DIS3L2: variants seen among roughly 807,000 people sequenced by gnomAD.
DIS3L2 encodes the protein DIS3 like 3'-5' exoribonuclease 2.
Under a neutral mutation model 97.5 loss-of-function variants are expected in DIS3L2, and 34 were observed. That is an observed-to-expected ratio of 0.35 (90% CI 0.27 to 0.46). The LOEUF is 0.46. Among genes scored for constraint, DIS3L2 ranks in the 20% least tolerant of loss-of-function variants. The pLI is 1.00. For synonymous variants in DIS3L2, 435 were observed against 445.2 expected (o/e 0.98, Z 0.29); for missense variants, 1,038 against 1,146.0 (o/e 0.91, Z 1.36).
At chr2:232,027,414 GA>G (rs758861036) in intron 4 of DIS3L2, among the ~76,000 whole-genome samples, 19 of 152,210 alleles carry the variant, frequency 1.2e-4, no homozygotes, top group Non-Finnish European at 2.6e-4. Context: ...GAATGAATAT[GA>G]AAGATGAGGC....
chr2:232,016,979 T>C (rs1169416732), intron 3 of DIS3L2, among the ~76,000 whole-genome samples: 3 of 149,450 alleles, frequency 2.0e-5, no homozygotes, highest in Non-Finnish European at 4.5e-5. Flanking sequence ...CCTTTCTGTA[T>C]TTATCTGTGG....
chr2:232,162,077 A>G (rs978134640), intron 8 of DIS3L2, among the ~76,000 whole-genome samples: 5 of 152,034 alleles, frequency 3.3e-5, no homozygotes, highest in African/African-American at 9.7e-5. Context: ...GGTCCAAAAT[A>G]TTTTCTAATT....
At chr2:232,161,374 A>G (rs549211990) in intron 8 of DIS3L2, among the ~76,000 whole-genome samples, 1 of 152,264 alleles carries the variant, frequency 6.6e-6, no homozygotes, top group East Asian at 1.9e-4. Flanking sequence ...AATGCTGTAA[A>G]TTACCCTCCA....
At chr2:232,124,740 A>G (rs192463718) in intron 6 of DIS3L2, among the ~76,000 whole-genome samples, 133 of 152,320 alleles carry the variant, frequency 8.7e-4, no homozygotes, top group African/African-American at 3.0e-3. Flanking sequence ...CTGCAAGTCT[A>G]ATTTTTAAAA....
chr2:232,313,453 G>A (rs1219878996), intron 14 of DIS3L2, among the ~76,000 whole-genome samples: 1 of 152,170 alleles, frequency 6.6e-6, no homozygotes, highest in African/African-American at 2.4e-5. Context: ...AGGATCTCAT[G>A]GCTGTACATT....
chr2:232,244,443 A>G (rs1182150121), intron 11 of DIS3L2, among the ~76,000 whole-genome samples: 1 of 152,204 alleles, frequency 6.6e-6, no homozygotes, highest in African/African-American at 2.4e-5. Flanking sequence ...TGGAACAGGT[A>G]AAGAAGGGAG....
chr2:232,086,586 A>AAT (rs1207470520), intron 5 of DIS3L2, among the ~76,000 whole-genome samples: 110 of 108,798 alleles, frequency 1.0e-3, no homozygotes, highest in East Asian at 2.1e-3. Context: ...TGAGCCTTTA[A>AAT]ATATATATAT....
At chr2:232,086,615 A>ATATATATATATACACACATATATATG (rs1553605998) in intron 5 of DIS3L2, among the ~76,000 whole-genome samples, 2 of 54,546 alleles carry the variant, frequency 3.7e-5, no homozygotes, top group African/African-American at 1.2e-4. Flanking sequence ...GTGTGTGTGT[A>ATATATATATATACACACATATATATG]TATATATATA....
At chr2:232,114,270 GC>G (rs1221625749) in intron 6 of DIS3L2, among the ~76,000 whole-genome samples, 1 of 145,550 alleles carries the variant, frequency 6.9e-6, no homozygotes, top group Non-Finnish European at 1.5e-5. Context: ...GAGCAACAGC[GC>G]TGGAATAAAG....
intron 14 of DIS3L2, among the ~76,000 whole-genome samples, chr2:232,323,700 G>A (rs533109430): frequency 5.3e-5 from 8 of 152,328 alleles, no homozygotes; most frequent in South Asian, 2.1e-4. Context: ...GTTGCAGTGC[G>A]CGCAGGAGGA....
chr2:231,969,094 G>A lies in DIS3L2; in HGVS notation c.-94+7329G>A, dbSNP rs183453870. ...ATAGTTTCCTGAGTCTTTCCCAGCC[G>A]TGTGGAACTGAGTCAATTAACCCTC... On this transcript the variant is annotated intron_variant, in intron 1 of 20. Coordinates refer to ENST00000325385, the MANE Select transcript of DIS3L2 (RefSeq NM_152383.5). Among the ~76,000 whole-genome samples the A allele has an allele frequency of 4.1e-3, 619 of 152,166 alleles. 6 individuals are homozygous for A. Among genetic ancestry groups the A allele is most frequent in the African/African-American group, 0.014 (579 of 41,506 alleles).
rs1330365629 is a variant in DIS3L2 at position 232,154,842 on chromosome 2, A to G, written c.951-8617A>G. 1.6e-4 allele frequency among the ~76,000 whole-genome samples: 16 copies of G among 97,462 alleles called. No homozygotes were observed. The East Asian group carries it at 4.3e-3, about 26-fold the overall frequency. 63.9% of individuals were successfully genotyped at this position (97,462 alleles called of 152,430 possible). ...CAGTTTGATCTCAGACTGCTGTGCT[A>G]GCAATCAGCGAGATTCCGTGGGCGT... On this transcript the variant is annotated intron_variant, in intron 8 of 20. Coordinates refer to ENST00000325385, the MANE Select transcript of DIS3L2 (RefSeq NM_152383.5).
chr2:232,034,233 G>T (rs1310652690), intron 5 of DIS3L2, among the ~76,000 whole-genome samples: 1 of 152,122 alleles, frequency 6.6e-6, no homozygotes, highest in Admixed American at 6.5e-5. Flanking sequence ...ATTTCTTCTA[G>T]ATTTTCTAGT....
intron 10 of DIS3L2, among the ~76,000 whole-genome samples, chr2:232,231,532 G>C (rs1178701296): frequency 6.6e-6 from 1 of 152,170 alleles, no homozygotes; most frequent in Non-Finnish European, 1.5e-5. Flanking sequence ...ACATATTTTG[G>C]CTTTAAAAGA....
intron 14 of DIS3L2, 28 bp from the exon 15 acceptor site, chr2:232,329,785 T>TGCCGGGGGGCCACCCC: frequency 1.0e-6 from 1 of 967,144 alleles, no homozygotes; most frequent in Non-Finnish European, 1.5e-6. Context: ...ACCCCAGCGG[T>TGCCGGGGGGCCACCCC]CCCTCCCATC....
intron 5 of DIS3L2, among the ~76,000 whole-genome samples, chr2:232,074,572 T>A (rs1696127860): frequency 3.4e-4 from 1 of 2,904 alleles, no homozygotes; most frequent in Non-Finnish European, 1.0e-3. Flanking sequence ...TCAAGGAACC[T>A]TTTTTTTTTT....
intron 5 of DIS3L2, among the ~76,000 whole-genome samples, chr2:232,074,720 G>C (rs1252451960): frequency 6.6e-6 from 1 of 151,954 alleles, no homozygotes; most frequent in Non-Finnish European, 1.5e-5. Flanking sequence ...GAGTAGCTGG[G>C]ACCACAGGCG....
chr2:232,050,048 T>C (rs972933622), intron 5 of DIS3L2, among the ~76,000 whole-genome samples: 1 of 152,002 alleles, frequency 6.6e-6, no homozygotes. Context: ...CCTAGCTTTC[T>C]ACTAAAGTTG....
At chr2:232,203,003 A>T (rs1691938437) in intron 9 of DIS3L2, among the ~76,000 whole-genome samples, 1 of 152,250 alleles carries the variant, frequency 6.6e-6, no homozygotes, top group Non-Finnish European at 1.5e-5. Flanking sequence ...GGAATGTCAC[A>T]GCACCCATCT....
Sources: gnomAD v4.1 joint callset for allele counts (sites outside exome capture counted in the v4.1 genomes callset) on GRCh38, gnomAD v4.1.1 for gene constraint, MANE v1.5 for transcripts, NCBI Gene and HGNC (gene_info 2026-07-23, HGNC 2026-07-21) for gene names.